The following STXBP6 variants were observed in gnomAD, a reference collection of about 807,000 sequenced individuals.
STXBP6 encodes syntaxin-binding protein 6.
STXBP6 carries 21 observed loss-of-function variants against 26.9 expected under a neutral mutation model. The observed-to-expected ratio is 0.78, with a 90% CI of 0.55 to 1.12. The LOEUF (loss-of-function observed/expected upper bound fraction) is 1.12, where lower values mean the gene tolerates loss of function less well. Among genes scored for constraint, STXBP6 ranks in the 50% most tolerant of loss-of-function variants. The probability of loss-of-function intolerance (pLI) is 0.00; values close to 1 mark genes in which losing one functional copy is unlikely to be tolerated. For missense variants in STXBP6, 232 were observed against 257.9 expected (o/e 0.90, Z 0.69); for synonymous variants, 97 against 92.6 (o/e 1.05, Z -0.27).
intron 4 of STXBP6, among the ~76,000 whole-genome samples, chr14:24,841,094 A>G (rs1481357501): frequency 6.6e-6 from 1 of 152,208 alleles, no homozygotes; most frequent in African/African-American, 2.4e-5. Context: ...CTTTGGGTTC[A>G]GTGTGCTTCA....
At chr14:24,924,557 C>T (rs78367265) in intron 2 of STXBP6, among the ~76,000 whole-genome samples, 4,854 of 152,156 alleles carry the variant, frequency 0.032, 197 homozygotes, top group African/African-American at 0.1. Context: ...GGTCATGATC[C>T]AGCTTTAGTT....
intron 2 of STXBP6, among the ~76,000 whole-genome samples, chr14:24,896,035 C>T (rs1020812192): frequency 2.6e-5 from 4 of 152,082 alleles, no homozygotes; most frequent in East Asian, 3.9e-4. Flanking sequence ...GGCTGGAGTA[C>T]GGGCTACAAG....
chr14:24,880,998 T>C (rs1384565060), intron 2 of STXBP6, among the ~76,000 whole-genome samples: 1 of 152,246 alleles, frequency 6.6e-6, no homozygotes, highest in African/African-American at 2.4e-5. Flanking sequence ...ACTATCCTAC[T>C]GTTTTGAAAG....
At chr14:25,030,188 G>C (rs1212094138) in intron 1 of STXBP6, among the ~76,000 whole-genome samples, 1 of 152,218 alleles carries the variant, frequency 6.6e-6, no homozygotes, top group Non-Finnish European at 1.5e-5. Context: ...ATTGGATAGA[G>C]CAATTCAACA....
chr14:24,920,614 T>A (rs1268033658), intron 2 of STXBP6, among the ~76,000 whole-genome samples: 1 of 152,058 alleles, frequency 6.6e-6, no homozygotes, highest in Non-Finnish European at 1.5e-5. Flanking sequence ...GGAAAATTTC[T>A]GTTAGCCAGC....
At chr14:24,828,149 G>A (rs2068344442) in intron 4 of STXBP6, among the ~76,000 whole-genome samples, 1 of 151,928 alleles carries the variant, frequency 6.6e-6, no homozygotes, top group Non-Finnish European at 1.5e-5. Flanking sequence ...CAGATTCCAA[G>A]CCTTTGGGCA....
At chr14:24,931,541 A>G (rs1229119193) in intron 2 of STXBP6, among the ~76,000 whole-genome samples, 2 of 152,198 alleles carry the variant, frequency 1.3e-5, no homozygotes, top group East Asian at 3.8e-4. Flanking sequence ...AACACATGTT[A>G]AAGACTCATT....
chr14:24,842,746 G>A (rs760576482), intron 4 of STXBP6, among the ~76,000 whole-genome samples: 3 of 151,344 alleles, frequency 2.0e-5, no homozygotes, highest in Non-Finnish European at 4.4e-5. Flanking sequence ...CCTGAAATTA[G>A]ATAGCCCCAA....
chr14:24,849,072 G>C (rs1358071051), intron 4 of STXBP6, among the ~76,000 whole-genome samples: 3 of 151,980 alleles, frequency 2.0e-5, no homozygotes, highest in African/African-American at 7.2e-5. Context: ...ACACTGCTGG[G>C]GTCCCAATAA....
At chr14:24,996,218 G>A (rs946929955) in intron 1 of STXBP6, among the ~76,000 whole-genome samples, 5 of 152,060 alleles carry the variant, frequency 3.3e-5, no homozygotes, top group African/African-American at 1.2e-4. Context: ...CTTATGAATT[G>A]AATTCTAGAC....
intron 1 of STXBP6, among the ~76,000 whole-genome samples, chr14:25,005,044 A>G (rs1341667470): frequency 6.6e-6 from 1 of 152,234 alleles, no homozygotes; most frequent in Non-Finnish European, 1.5e-5. Context: ...AAGACTAGTC[A>G]CTGCGGGAGC....
Position 24,953,148 on chromosome 14 carries a change from G to A in STXBP6, c.154+21517C>T, listed in dbSNP as rs563269327. On this transcript the variant is annotated intron_variant, in intron 2 of 5. Transcript: ENST00000323944. ...CTGCCAACACTCCTTGACTCATGGC[G>A]ACATCACCCCAATCTCTGCCTCCAT... is the stretch of plus-strand genomic sequence containing the variant. 6.6e-5 allele frequency among the ~76,000 whole-genome samples: 10 copies of A among 152,158 alleles called. No homozygotes were observed. In the South Asian group the frequency reaches 8.3e-4, roughly 13 times the overall value.
intron 2 of STXBP6, among the ~76,000 whole-genome samples, chr14:24,870,259 G>T (rs888229874): frequency 4.6e-5 from 7 of 152,096 alleles, no homozygotes; most frequent in African/African-American, 1.4e-4. Context: ...TTAACGAGGG[G>T]CCAAATATGT....
chr14:24,945,139 A>ATTTTTTTTTTTTTTTTTTT lies in STXBP6; in HGVS notation c.154+29507_154+29525dup, dbSNP rs552562019. Among the ~76,000 whole-genome samples the ATTTTTTTTTTTTTTTTTTT allele has an allele frequency of 3.4e-4, 34 of 100,714 alleles. 13 individuals are homozygous for ATTTTTTTTTTTTTTTTTTT. The highest frequency in any genetic ancestry group is 6.7e-4 in the East Asian group (2 of 3,002). The allele number at this position is 100,714 out of a possible 152,430, so 66.1% of individuals were successfully genotyped here. A position where few individuals can be genotyped will look rare whatever the true frequency, so the allele number is the denominator to read the frequency against. On this transcript the variant is annotated intron_variant, in intron 2 of 5. Coordinates refer to ENST00000323944, the MANE Select transcript of STXBP6 (RefSeq NM_001394410.1). ...TGGCATGTATATGAACCAATTAGGAATTTTTTTTTTTTTTTTTTTTTTTTT... is the reference window on the plus strand; with the variant it reads ...TGGCATGTATATGAACCAATTAGGAATTTTTTTTTTTTTTTTTTTTTTTTTTTTTTTTTTTTTTTTTTTT...
At chr14:24,906,330 T>C (rs751851327) in intron 2 of STXBP6, among the ~76,000 whole-genome samples, 7 of 152,112 alleles carry the variant, frequency 4.6e-5, no homozygotes, top group Non-Finnish European at 7.4e-5. Context: ...AAAACTCAGA[T>C]AGGTGTATGG....
rs963977255 is a variant in STXBP6, at chr14:24,899,213, A to C, written c.155-42056T>G. On this transcript the variant is annotated intron_variant, in intron 2 of 5. Coordinates refer to ENST00000323944, the MANE Select transcript of STXBP6 (RefSeq NM_001394410.1). ...CGTACATAAATTTGATTTCTAAATT[A>C]ATTTCAATAAAATTAAAGCACTATA... Among the ~76,000 whole-genome samples the C allele has an allele frequency of 4.6e-5, 7 of 152,254 alleles. 2 individuals are homozygous for C. The highest frequency in any genetic ancestry group is 3.9e-4 in the Admixed American group (6 of 15,286).
intron 2 of STXBP6, among the ~76,000 whole-genome samples, chr14:24,955,563 A>C (rs1385544447): frequency 6.6e-6 from 1 of 152,210 alleles, no homozygotes; most frequent in East Asian, 1.9e-4. Context: ...GGGTGAACCC[A>C]TTAATCACTA....
intron 1 of STXBP6, among the ~76,000 whole-genome samples, chr14:25,039,831 C>T (rs536606325): frequency 4.6e-5 from 7 of 152,154 alleles, no homozygotes; most frequent in South Asian, 2.1e-4. Context: ...CTCAGCCTCC[C>T]GAGTAGCTGG....
At chr14:24,924,667 GT>G (rs1479941479) in intron 2 of STXBP6, among the ~76,000 whole-genome samples, 2 of 152,134 alleles carry the variant, frequency 1.3e-5, no homozygotes, top group Admixed American at 6.5e-5. Context: ...AGGCAAGCAT[GT>G]ATGTACCTCC....
Sources: gnomAD v4.1 joint callset for allele counts (sites outside exome capture counted in the v4.1 genomes callset) on GRCh38, gnomAD v4.1.1 for gene constraint, MANE v1.5 for transcripts, NCBI Gene and HGNC (gene_info 2026-07-23, HGNC 2026-07-21) for gene names.